SDK1: variants seen among roughly 807,000 people sequenced by gnomAD.
SDK1 encodes the protein sidekick cell adhesion molecule 1, also known as protein sidekick-1.
SDK1 carries 157 observed loss-of-function variants against 245.5 expected under a neutral mutation model. The ratio of observed to expected loss-of-function variants is 0.64; its 90% CI spans 0.56 to 0.73. The LOEUF is 0.73. Among genes scored for constraint, SDK1 ranks in the 30% least tolerant of loss-of-function variants. The pLI is 0.00. For synonymous variants in SDK1, 1,647 were observed against 1,278.5 expected (o/e 1.29, Z -6.15); for missense variants, 3,583 against 3,002.3 (o/e 1.19, Z -4.52).
chr7:3,307,527 T>C (rs1779446370), intron 1 of SDK1, among the ~76,000 whole-genome samples: 1 of 152,322 alleles, frequency 6.6e-6, no homozygotes, highest in African/African-American at 2.4e-5. Flanking sequence ...ATGATTATTA[T>C]GGGAGCATTG....
At chr7:3,873,552 T>A (rs1484046634) in intron 5 of SDK1, among the ~76,000 whole-genome samples, 1 of 152,188 alleles carries the variant, frequency 6.6e-6, no homozygotes, top group East Asian at 1.9e-4. Flanking sequence ...TCTGTTTTTC[T>A]TTCTGATTTT....
chr7:4,185,758 C>A (rs184714052), intron 35 of SDK1, among the ~76,000 whole-genome samples: 3 of 151,842 alleles, frequency 2.0e-5, no homozygotes, highest in Admixed American at 2.0e-4. Context: ...CTCTTATCCC[C>A]AGAACGTTAG....
At chr7:3,921,011 C>G (rs1261356997) in intron 5 of SDK1, among the ~76,000 whole-genome samples, 2 of 152,084 alleles carry the variant, frequency 1.3e-5, no homozygotes, top group African/African-American at 4.8e-5. Context: ...TTTGCAATTC[C>G]TAGAGTTGAG....
At chr7:3,745,588 G>A (rs946680414) in intron 4 of SDK1, among the ~76,000 whole-genome samples, 6 of 151,940 alleles carry the variant, frequency 3.9e-5, no homozygotes, top group African/African-American at 9.7e-5. Flanking sequence ...TTGATCCTAC[G>A]CATAGATTCA....
chr7:4,102,067 C>T (rs1040203570), intron 22 of SDK1, among the ~76,000 whole-genome samples: 5 of 152,192 alleles, frequency 3.3e-5, no homozygotes, highest in African/African-American at 4.8e-5. Flanking sequence ...CAGGGAAGGG[C>T]TGGGAATCTA....
At chr7:4,036,953 C>A (rs550550437) in intron 17 of SDK1, among the ~76,000 whole-genome samples, 1 of 152,276 alleles carries the variant, frequency 6.6e-6, no homozygotes, top group South Asian at 2.1e-4. Context: ...CTGTCTATTG[C>A]ATTCACTCAG....
chr7:3,622,483 A>C (rs962819804), intron 2 of SDK1, among the ~76,000 whole-genome samples: 1 of 152,350 alleles, frequency 6.6e-6, no homozygotes, highest in African/African-American at 2.4e-5. Flanking sequence ...TCCATCTCCA[A>C]AAACAAAATT....
intron 13 of SDK1, among the ~76,000 whole-genome samples, chr7:3,975,514 G>A (rs970589214): frequency 3.9e-5 from 6 of 152,172 alleles, no homozygotes; most frequent in Non-Finnish European, 8.8e-5. Context: ...TAGGAGCCGT[G>A]ACTCATTGAT....
At chr7:3,797,598 T>C (rs1270622385) in intron 4 of SDK1, among the ~76,000 whole-genome samples, 2 of 152,142 alleles carry the variant, frequency 1.3e-5, no homozygotes, top group East Asian at 1.9e-4. Flanking sequence ...CCCATTTACA[T>C]AGATCTAATT....
In SDK1 at chr7:3,377,220, G is replaced by A. The variant is rs374634552; in HGVS notation, c.298+75336G>A. ...CGTTGATTGTGGCTGTTTCTCCCAG[G>A]GTTTGTGGCTGTGTGTCTTCATCTT... On this transcript the variant is annotated intron_variant, in intron 1 of 44. Coordinates refer to ENST00000404826, the MANE Select transcript of SDK1 (RefSeq NM_152744.4). Among the ~76,000 whole-genome samples the A allele has an allele frequency of 2.2e-4, 33 of 152,220 alleles. No homozygotes were observed. The East Asian group carries it at 4.8e-3, about 22-fold the overall frequency.
intron 4 of SDK1, among the ~76,000 whole-genome samples, chr7:3,770,435 A>G (rs1583396200): frequency 1.3e-5 from 2 of 152,200 alleles, no homozygotes; most frequent in Admixed American, 1.3e-4. Context: ...TTACATAAAC[A>G]TAAGTTTTCA....
chr7:3,530,043 A>G (rs1287433090), intron 1 of SDK1, among the ~76,000 whole-genome samples: 3 of 152,220 alleles, frequency 2.0e-5, no homozygotes, highest in Non-Finnish European at 2.9e-5. Context: ...CTAAGAATGT[A>G]GTAACTAGAT....
intron 4 of SDK1, among the ~76,000 whole-genome samples, chr7:3,775,523 T>G (rs1780526964): frequency 6.6e-6 from 1 of 152,044 alleles, no homozygotes; most frequent in Non-Finnish European, 1.5e-5. Context: ...ACACTGATGT[T>G]TCTAAATCAG....
At chr7:4,036,183 T>G (rs79726642) in intron 17 of SDK1, among the ~76,000 whole-genome samples, 3,132 of 152,274 alleles carry the variant, frequency 0.021, 171 homozygotes, top group East Asian at 0.16. Context: ...GGGAAATTAT[T>G]TATTGCTTTT....
intron 9 of SDK1, among the ~76,000 whole-genome samples, chr7:3,965,083 A>G (rs1781989829): frequency 6.6e-6 from 1 of 152,138 alleles, no homozygotes; most frequent in Non-Finnish European, 1.5e-5. Flanking sequence ...AATGGTAGAT[A>G]TTTTTGGCTT....
intron 1 of SDK1, among the ~76,000 whole-genome samples, chr7:3,347,148 A>C (rs1291174278): frequency 4.0e-5 from 6 of 151,510 alleles, no homozygotes; most frequent in African/African-American, 1.2e-4. Context: ...TTGCATCCAG[A>C]CGTTAGCCGG....
chr7:3,671,014 T>C (rs1184589816), intron 4 of SDK1, among the ~76,000 whole-genome samples: 1 of 152,186 alleles, frequency 6.6e-6, no homozygotes, highest in African/African-American at 2.4e-5. Flanking sequence ...GTTAAAACAG[T>C]TCATTGCATA....
At chr7:3,582,610 T>C (rs552391425) in intron 1 of SDK1, among the ~76,000 whole-genome samples, 9 of 141,730 alleles carry the variant, frequency 6.4e-5, no homozygotes, top group Non-Finnish European at 1.2e-4. Context: ...GACAAAGTAA[T>C]CTATGTAATG....
At chr7:3,621,022 G>A (rs1781922162) in intron 2 of SDK1, among the ~76,000 whole-genome samples, 1 of 152,138 alleles carries the variant, frequency 6.6e-6, no homozygotes, top group African/African-American at 2.4e-5. Context: ...ACTTTAGGCA[G>A]GTGACCCATG....
Sources: allele counts gnomAD v4.1 joint callset (sites outside exome capture counted in the v4.1 genomes callset), GRCh38; gene constraint gnomAD v4.1.1; transcripts MANE v1.5; gene names NCBI Gene and HGNC (gene_info 2026-07-23, HGNC 2026-07-21).